DPH6: variants seen among roughly 807,000 people sequenced by gnomAD.
DPH6 encodes diphthine--ammonia ligase.
A neutral mutation model predicts 38.2 loss-of-function variants in DPH6; 33 were observed. That is an observed-to-expected ratio of 0.86 (90% CI 0.65 to 1.15). The LOEUF is 1.15. Among genes scored for constraint, DPH6 ranks in the 50% most tolerant of loss-of-function variants. DPH6 has a pLI of 0.00. For missense variants in DPH6, 325 were observed against 320.0 expected (o/e 1.02, Z -0.12); for synonymous variants, 108 against 103.0 (o/e 1.05, Z -0.30).
At chr15:35,382,866 C>T (rs1310762364) in intron 6 of DPH6, among the ~76,000 whole-genome samples, 1 of 151,264 alleles carries the variant, frequency 6.6e-6, no homozygotes, top group Non-Finnish European at 1.5e-5. Context: ...AAAAAAAAAC[C>T]AAGCAGCAAA....
At chr15:35,455,087 T>C (rs2053980276) in intron 3 of DPH6, among the ~76,000 whole-genome samples, 1 of 152,134 alleles carries the variant, frequency 6.6e-6, no homozygotes, top group Admixed American at 6.5e-5. Context: ...AGGCAGCACT[T>C]CCAAAATGTT....
chr15:35,157,131 A>G, the DPH6 span, among the ~76,000 whole-genome samples: 133 of 152,276 alleles, frequency 8.7e-4, 2 homozygotes, highest in African/African-American at 3.1e-3. Context: ...AGGCCTTAAA[A>G]ATATTTGGGA....
At chr15:35,242,202 T>C (rs1014248726) in intron 3 of DPH6, among the ~76,000 whole-genome samples, 1 of 143,374 alleles carries the variant, frequency 7.0e-6, no homozygotes, top group Non-Finnish European at 1.5e-5. Flanking sequence ...CTGTTACCTA[T>C]CTTGGCATAA....
intron 2 of DPH6, among the ~76,000 whole-genome samples, chr15:35,540,927 C>A (rs2055243669): frequency 6.6e-6 from 1 of 151,912 alleles, no homozygotes; most frequent in African/African-American, 2.4e-5. Flanking sequence ...CTTGAAAGTC[C>A]CAGTTGCCTC....
At chr15:35,398,729 T>C (rs755996905) in intron 6 of DPH6, among the ~76,000 whole-genome samples, 89 of 152,234 alleles carry the variant, frequency 5.8e-4, no homozygotes, top group African/African-American at 2.0e-3. Flanking sequence ...GCTTGATTTA[T>C]GGCCAGTTAG....
At chr15:35,477,050 A>G (rs1161758072) in intron 3 of DPH6, among the ~76,000 whole-genome samples, 2 of 151,860 alleles carry the variant, frequency 1.3e-5, no homozygotes, top group Admixed American at 1.3e-4. Flanking sequence ...ACTTTATTAT[A>G]TGTACAAAGA....
chr15:35,429,742 T>C (rs924594268), intron 5 of DPH6, among the ~76,000 whole-genome samples: 3 of 152,128 alleles, frequency 2.0e-5, no homozygotes, highest in South Asian at 2.1e-4. Flanking sequence ...TGAAAAACTA[T>C]ATAAGGGAAT....
chr15:35,317,568 T>C (rs2052203068), intron 3 of DPH6, among the ~76,000 whole-genome samples: 1 of 139,250 alleles, frequency 7.2e-6, no homozygotes, highest in East Asian at 2.3e-4. Context: ...CTAAAATATA[T>C]ACTAACATGA....
chr15:35,410,806 A>G, intron 6 of DPH6, 29 bp downstream of exon 6: 3 of 1,562,608 alleles, frequency 1.9e-6, no homozygotes, highest in South Asian at 1.2e-5. Context: ...TTAGATGGCT[A>G]CATTTTGAGA....
intron 5 of DPH6, among the ~76,000 whole-genome samples, chr15:35,420,878 A>C (rs1224694566): frequency 6.6e-6 from 1 of 152,198 alleles, no homozygotes; most frequent in African/African-American, 2.4e-5. Flanking sequence ...TAAGAAAAAC[A>C]GGGGCAGGAC....
At chr15:35,236,053 A>C (rs1307522155) in intron 3 of DPH6, among the ~76,000 whole-genome samples, 1 of 152,230 alleles carries the variant, frequency 6.6e-6, no homozygotes, top group East Asian at 1.9e-4. Flanking sequence ...ATTTAGATAG[A>C]ACCATGCATG....
chr15:35,527,601 TG>T (rs967439284), intron 3 of DPH6, among the ~76,000 whole-genome samples: 7 of 151,976 alleles, frequency 4.6e-5, no homozygotes, highest in African/African-American at 1.4e-4. Flanking sequence ...TTATATTCAG[TG>T]GGGTGAACTG....
chr15:35,514,888 G>T (rs1028502189), intron 3 of DPH6, among the ~76,000 whole-genome samples: 10 of 152,062 alleles, frequency 6.6e-5, no homozygotes, highest in Non-Finnish European at 1.2e-4. Flanking sequence ...AGTAATACTG[G>T]CCAGACAAAG....
chr15:35,355,424 C>T (rs149617007), intron 3 of DPH6, among the ~76,000 whole-genome samples: 44 of 152,230 alleles, frequency 2.9e-4, no homozygotes, highest in Non-Finnish European at 4.4e-4. Flanking sequence ...TGGCTGATAC[C>T]GCTTGTTCCT....
At chr15:35,490,259 T>G in intron 3 of DPH6, 1 of 917,122 alleles carries the variant, frequency 1.1e-6, no homozygotes, top group Non-Finnish European at 1.3e-6. Flanking sequence ...ACAGGCTGAA[T>G]TGTCAGTCAT....
intron 3 of DPH6, among the ~76,000 whole-genome samples, chr15:35,246,723 T>A (rs2051640044): frequency 6.6e-6 from 1 of 152,186 alleles, no homozygotes; most frequent in African/African-American, 2.4e-5. Flanking sequence ...CCCTTCTTCT[T>A]AATTAGTGGC....
intron 3 of DPH6, among the ~76,000 whole-genome samples, chr15:35,259,131 C>A: frequency 7.8e-6 from 1 of 128,306 alleles, no homozygotes; most frequent in African/African-American, 2.8e-5. Flanking sequence ...GGGGACACAG[C>A]AAGACTCCGT....
chr15:35,266,390 G>T (rs578146435), intron 3 of DPH6, among the ~76,000 whole-genome samples: 105 of 152,260 alleles, frequency 6.9e-4, no homozygotes, highest in African/African-American at 2.5e-3. Flanking sequence ...TAGCTTAATT[G>T]GCTTTTATTG....
At chr15:35,483,778 AAAC>A (rs1223901773) in intron 3 of DPH6, among the ~76,000 whole-genome samples, 11 of 152,228 alleles carry the variant, frequency 7.2e-5, no homozygotes, top group African/African-American at 2.2e-4. Context: ...CCAAAAATGG[AAAC>A]AATTCAATTT....
Sources: allele counts gnomAD v4.1 joint callset (sites outside exome capture counted in the v4.1 genomes callset), GRCh38; gene constraint gnomAD v4.1.1; transcripts MANE v1.5; gene names NCBI Gene and HGNC (gene_info 2026-07-23, HGNC 2026-07-21).